The following RUFY3 variants were observed in gnomAD, a reference collection of about 807,000 sequenced individuals.
RUFY3 encodes the protein RUN and FYVE domain containing 3.
Under a neutral mutation model 84.0 loss-of-function variants are expected in RUFY3, and 34 were observed. The observed-to-expected ratio is 0.40, with a 90% confidence interval of 0.31 to 0.54. The LOEUF (loss-of-function observed/expected upper bound fraction) is 0.54. Among genes scored for constraint, RUFY3 ranks in the 20% least tolerant of loss-of-function variants. The pLI, the probability that RUFY3 is intolerant of heterozygous loss-of-function variation, is 0.39. For missense variants in RUFY3, 507 were observed against 736.8 expected, an observed-to-expected ratio of 0.69 and a Z score of 3.61; for synonymous variants, 242 against 252.9, an observed-to-expected ratio of 0.96 and a Z score of 0.41.
intron 12 of RUFY3, among the ~76,000 whole-genome samples, chr4:70,790,737 C>T (rs544421509): frequency 1.3e-5 from 2 of 152,168 alleles, no homozygotes; most frequent in South Asian, 2.1e-4. Flanking sequence ...TTTAAGTTCC[C>T]GTATTAGATC....
intron 1 of RUFY3, among the ~76,000 whole-genome samples, chr4:70,730,678 G>T (rs1719098962): frequency 6.6e-6 from 1 of 152,082 alleles, no homozygotes; most frequent in African/African-American, 2.4e-5. Context: ...GACAGAGGTT[G>T]CAGTGAGCCG....
rs188527676 is a variant in RUFY3 at position 70,713,696 on chromosome 4, A to G, written c.358+8402A>G. ...TCGCCTTTTAGAGTGTGATTCTTCT[A>G]ACTTCAGAGTCTGTTTAGGGACTCT... On this transcript the variant is annotated intron_variant, in intron 1 of 11. Coordinates refer to the RUFY3 transcript ENST00000417478. Among the ~76,000 whole-genome samples the G allele has an allele frequency of 4.7e-3, 722 of 152,280 alleles. 5 individuals are homozygous for G. Among genetic ancestry groups the G allele is most frequent in the Non-Finnish European group, 8.2e-3 (560 of 68,004 alleles).
At chr4:70,798,634 T>A (rs1731828336) in intron 14 of RUFY3, among the ~76,000 whole-genome samples, 1 of 151,822 alleles carries the variant, frequency 6.6e-6, no homozygotes, top group African/African-American at 2.4e-5. Context: ...TACAAAAAAG[T>A]ATCTGGGCCT....
At chr4:70,705,166 T>A in exon 1 of RUFY3, 1 of 1,459,270 alleles carries the variant, frequency 6.9e-7, no homozygotes. Context: ...GGCGCCGGCT[T>A]CGGAGTGCGC....
chr4:70,790,960 A>G (rs976566998), intron 12 of RUFY3, among the ~76,000 whole-genome samples: 2 of 152,230 alleles, frequency 1.3e-5, no homozygotes, highest in Admixed American at 1.3e-4. Flanking sequence ...TACCTAGGAA[A>G]GATGGTTAGG....
intron 1 of RUFY3, among the ~76,000 whole-genome samples, chr4:70,707,577 T>C (rs1740482707): frequency 6.6e-6 from 1 of 152,202 alleles, no homozygotes; most frequent in Non-Finnish European, 1.5e-5. Flanking sequence ...ACGTAAGTTC[T>C]AATATTTCCT....
At chr4:70,791,595 C>T in intron 12 of RUFY3, 1 of 1,195,668 alleles carries the variant, frequency 8.4e-7, no homozygotes, top group Non-Finnish European at 1.0e-6. Context: ...TTAAAAAAGC[C>T]TAGGGAATTG....
chr4:70,789,168 G>A (rs1246925679), intron 11 of RUFY3, among the ~76,000 whole-genome samples, 195 bp downstream of exon 11: 1 of 152,066 alleles, frequency 6.6e-6, no homozygotes, highest in Non-Finnish European at 1.5e-5. Context: ...GAAAACCATG[G>A]CCACTTTTCA....
intron 10 of RUFY3, among the ~76,000 whole-genome samples, chr4:70,786,356 A>T (rs1729806146): frequency 1.3e-5 from 2 of 151,900 alleles, no homozygotes; most frequent in African/African-American, 2.4e-5. Context: ...GTTAACAATA[A>T]TACACATTTT....
chr4:70,787,215 A>ATATATATAT (rs1560555160), intron 10 of RUFY3, among the ~76,000 whole-genome samples: 2 of 122,412 alleles, frequency 1.6e-5, no homozygotes, highest in African/African-American at 3.4e-5. Flanking sequence ...TATATATATA[A>ATATATATAT]AAACAAATTG....
intron 1 of RUFY3, among the ~76,000 whole-genome samples, chr4:70,745,696 G>C (rs916830901): frequency 5.3e-5 from 8 of 152,168 alleles, no homozygotes; most frequent in Admixed American, 3.3e-4. Context: ...AAGACTTGAT[G>C]CATGTTGAAA....
At chr4:70,793,684 T>G (rs1480446522) in intron 12 of RUFY3, 101 bp from the exon 13 acceptor site, 1 of 1,599,226 alleles carries the variant, frequency 6.3e-7, no homozygotes, top group African/African-American at 1.3e-5. Flanking sequence ...TGTCTCTCTG[T>G]GCATTCTTCC....
upstream of RUFY3, chr4:70,703,881 T>C (rs1001052103): frequency 6.6e-6 from 1 of 152,224 alleles, no homozygotes; most frequent in African/African-American, 2.4e-5. Flanking sequence ...CAGTGATTTT[T>C]AATTATGAGT....
chr4:70,771,612 A>C (rs944456480), intron 5 of RUFY3, among the ~76,000 whole-genome samples: 1 of 152,164 alleles, frequency 6.6e-6, no homozygotes, highest in African/African-American at 2.4e-5. Context: ...GCTCAGTGCA[A>C]CCTCTGCCTC....
chr4:70,713,659 CGTT>C (rs1741255487), intron 1 of RUFY3, among the ~76,000 whole-genome samples: 2 of 152,258 alleles, frequency 1.3e-5, no homozygotes, highest in Admixed American at 6.5e-5. Flanking sequence ...AAGCTGAAGT[CGTT>C]GTAGCATGTC....
At position 70,757,331 on chromosome 4, in the gene RUFY3, G is replaced by A. The variant is rs151192218; in HGVS notation, c.179-5188G>A. Among the ~76,000 whole-genome samples the A allele has an allele frequency of 3.9e-5, 6 of 152,044 alleles. No homozygotes were observed. In the East Asian group the frequency reaches 9.7e-4, roughly 25 times the overall value. ...TAAAATTATTTGTTCTGGGCCGGGC[G>A]CGGTGGTTCATGCCTGTAATCCCAG... is the stretch of plus-strand genomic sequence containing the variant. On this transcript the variant is annotated intron_variant, in intron 1 of 17. Coordinates refer to ENST00000381006, the MANE Select transcript of RUFY3 (RefSeq NM_001037442.4).
Position 70,783,159 on chromosome 4 carries a change from C to G in RUFY3, c.963C>G (p.Ser321=). The G allele has an allele frequency of 6.2e-7, 1 of 1,606,892 alleles. No individual in the cohort carries two copies. The highest frequency in any genetic ancestry group is 8.5e-7 in the Non-Finnish European group (1 of 1,173,846). Residue 321 remains serine (S), a synonymous_variant, in exon 9 of 18, where the codon TCC becomes TCG. Coordinates refer to ENST00000381006, the MANE Select transcript of RUFY3 (RefSeq NM_001037442.4). ...TGGAACGAGTTAAAGAGGAAAGTTC[C>G]TACATACTGGAATCCAATCGGAAGG... ...EEMERVKEES[S]YILESNRKGP... is the part of the protein sequence containing the mutation.
intron 1 of RUFY3, among the ~76,000 whole-genome samples, chr4:70,715,588 CAAAAAAAA>C (rs886636641): frequency 2.1e-5 from 1 of 46,666 alleles, no homozygotes; most frequent in Non-Finnish European, 4.1e-5. Context: ...ACACTATCTC[CAAAAAAAA>C]AAAAAAAAAA....
intron 1 of RUFY3, among the ~76,000 whole-genome samples, chr4:70,725,899 A>G (rs996145645): frequency 6.6e-6 from 1 of 152,194 alleles, no homozygotes; most frequent in African/African-American, 2.4e-5. Flanking sequence ...GCAAGACTGG[A>G]AAGATAAGCA....
Sources: allele counts gnomAD v4.1 joint callset (sites outside exome capture counted in the v4.1 genomes callset), GRCh38; gene constraint gnomAD v4.1.1; transcripts MANE v1.5; gene names NCBI Gene and HGNC (gene_info 2026-07-23, HGNC 2026-07-21).